The following ACAN variants were observed in gnomAD, a reference collection of about 807,000 sequenced individuals.
ACAN encodes aggrecan, also known as aggrecan core protein.
In ACAN, 47 loss-of-function variants were observed where a neutral mutation model predicts 169.1. The ratio of observed to expected loss-of-function variants is 0.28; its 90% CI spans 0.22 to 0.35. The LOEUF (loss-of-function observed/expected upper bound fraction) is 0.35, where lower values mean the gene tolerates loss of function less well. Among genes scored for constraint, ACAN ranks in the 10% least tolerant of loss-of-function variants. The probability of loss-of-function intolerance (pLI) is 1.00; values close to 1 mark genes in which losing one functional copy is unlikely to be tolerated. For synonymous variants in ACAN, 1,115 were observed against 1,112.2 expected (o/e 1.00, Z -0.05); for missense variants, 2,716 against 2,759.9 (o/e 0.98, Z 0.36).
At chr15:88,840,477 G>A (rs1030564444) in intron 4 of ACAN, among the ~76,000 whole-genome samples, 2 of 152,088 alleles carry the variant, frequency 1.3e-5, no homozygotes, top group East Asian at 1.9e-4. Flanking sequence ...ATTTCCTCAC[G>A]TTTAAACTTT....
chr15:88,871,920 C>A lies in ACAN; in HGVS notation c.7220-83C>A. 8.1e-7 allele frequency: 1 copy of A among 1,240,002 alleles called. No individual in the cohort carries two copies. The highest frequency in any genetic ancestry group is 1.2e-6 in the Non-Finnish European group (1 of 839,062). The allele number at this position is 1,240,002 out of a possible 1,614,324, so 76.8% of individuals were successfully genotyped here. A position where few individuals can be genotyped will look rare whatever the true frequency, so the allele number is the denominator to read the frequency against. On this transcript the variant is annotated intron_variant, in intron 15 of 18. Coordinates refer to ENST00000560601, the MANE Select transcript of ACAN (RefSeq NM_001369268.1). The surrounding 1 kb of genome is among the most constrained non-coding windows in gnomAD (Gnocchi z 7.8). Reference sequence around the variant, plus strand: ...CCACCCACCTCCTTTCCTCCTCCATCCCCTCTGCCTCCGTGAGCTCAAGTT... The same window carrying A: ...CCACCCACCTCCTTTCCTCCTCCATACCCTCTGCCTCCGTGAGCTCAAGTT...
chr15:88,841,121 G>C (rs147608413), intron 4 of ACAN, among the ~76,000 whole-genome samples: 4,832 of 152,350 alleles, frequency 0.032, 102 homozygotes, highest in Middle Eastern at 0.061. Flanking sequence ...CTCCAGCCTA[G>C]GTGACAGAGC....
chr15:88,848,450 C>A (rs1037627482), intron 9 of ACAN, among the ~76,000 whole-genome samples: 1 of 151,582 alleles, frequency 6.6e-6, no homozygotes, highest in African/African-American at 2.4e-5. Context: ...GGCACAGTGG[C>A]TCACACCTGT....
Position 88,851,832 on chromosome 15 carries a change from G to A in ACAN, c.2065G>A (p.Gly689Ser), listed in dbSNP as rs1340826290. 4 of 1,608,838 alleles carry A rather than the reference G, an allele frequency of 2.5e-6. No individual in the cohort carries two copies. Among genetic ancestry groups the A allele is most frequent in the Middle Eastern group, 3.3e-4 (2 of 6,084 alleles). Residue 689 changes from glycine (G) to serine (S), a missense_variant, in exon 11 of 19, where the codon GGC becomes AGC. Physicochemically the swap from Gly to Ser is moderately conservative, Grantham distance 56 (BLOSUM62 0). Around this residue, in one of 3 missense-constraint regions of ACAN, gnomAD observed 1,283 missense variants for 1,281.5 expected, o/e 1.00. Transcript: ENST00000560601. This position sits in a 1 kb window ranked among gnomAD's most constrained non-coding sequence, Gnocchi z 4.3. ...AVPSPGEEEGGTPTSPSGVEE... is the reference protein window; with the variant it reads ...AVPSPGEEEGSTPTSPSGVEE... ...TCCTTCTCCAGGAGAAGAAGAGGGT[G>A]GCACACCCACATCACCCTCTGGTGT... is the stretch of plus-strand genomic sequence containing the variant.
chr15:88,828,962 G>A (rs550511532), intron 1 of ACAN, among the ~76,000 whole-genome samples: 1 of 152,268 alleles, frequency 6.6e-6, no homozygotes, highest in East Asian at 1.9e-4. Context: ...CCTTCACTGG[G>A]CCCCTCTGTC....
rs57985365 is a variant in ACAN at position 88,860,072 on chromosome 15, C to CTTTTTTTTTTT, written c.6833-243_6833-233dup. ...GCACTGGTAGCGGTAGCTGATTTTCCTTTTTTTTTTTTTTTTTTTTTGCTC... is the reference window on the plus strand; with the variant it reads ...GCACTGGTAGCGGTAGCTGATTTTCCTTTTTTTTTTTTTTTTTTTTTTTTTTTTTTTTGCTC... On this transcript the variant is annotated intron_variant, in intron 12 of 18. Coordinates refer to ENST00000560601, the MANE Select transcript of ACAN (RefSeq NM_001369268.1). 1.2e-3 allele frequency among the ~76,000 whole-genome samples: 122 copies of CTTTTTTTTTTT among 102,888 alleles called. 10 individuals are homozygous for CTTTTTTTTTTT. Among genetic ancestry groups the CTTTTTTTTTTT allele is most frequent in the African/African-American group, 5.4e-3 (114 of 21,160 alleles). 67.5% of individuals were successfully genotyped at this position (102,888 alleles called of 152,430 possible). A position where few individuals can be genotyped will look rare whatever the true frequency, so the allele number is the denominator to read the frequency against.
In ACAN at chr15:88,841,863, G is replaced by A; in HGVS notation, c.753G>A (p.Met251Ile). ...ATGTGTACTGCTTCGCCGAGGAGAT[G>A]GAGGGTGAGCTGCCCTGCCCACCAG... ...TYDVYCFAEEMEGEVFYATSP... is the reference protein window; with the variant it reads ...TYDVYCFAEEIEGEVFYATSP... Residue 251 changes from methionine to isoleucine, a missense_variant, in exon 5 of 19, where the codon ATG (methionine) becomes ATA (isoleucine). Transcript: ENST00000560601. 6.2e-7 allele frequency: 1 copy of A among 1,612,388 alleles called. No individual in the cohort carries two copies. Among genetic ancestry groups the A allele is most frequent in the Non-Finnish European group, 8.5e-7 (1 of 1,179,324 alleles).
rs370618858 is a variant in ACAN at position 88,860,374 on chromosome 15, A to C, written c.6881A>C (p.Lys2294Thr). Residue 2294 changes from lysine to threonine, a missense_variant, in exon 13 of 19, where the codon AAG (lysine) becomes ACG (threonine). By Grantham distance (78) the Lys-to-Thr change is moderately conservative (BLOSUM62 -1). This residue lies in a region of ACAN where 1,389 missense variants were observed against 1,363.7 expected (regional missense o/e 1.02). Transcript: ENST00000560601. ...GAGCCCTGTGGAGCTGGGACCTGCA[A>C]GGAGACAGAGGGACACGTCATATGC... ...AEEPCGAGTC[K>T]ETEGHVICLC... The C allele has an allele frequency of 4.4e-5, 71 of 1,613,472 alleles. No homozygotes were observed. The highest frequency in any genetic ancestry group is 5.8e-5 in the Non-Finnish European group (68 of 1,179,826).
chr15:88,841,052 G>A (rs1172375596), intron 4 of ACAN, among the ~76,000 whole-genome samples: 1 of 152,226 alleles, frequency 6.6e-6, no homozygotes, highest in African/African-American at 2.4e-5. Flanking sequence ...GGCTGAGGCA[G>A]GAGAATGGCG....
rs1320765611 is a variant in ACAN, at chr15:88,840,052, C to T, written c.495C>T (p.Thr165=). 6.2e-7 allele frequency: 1 copy of T among 1,603,086 alleles called. No homozygotes were observed. The highest frequency in any genetic ancestry group is 1.7e-5 in the Admixed American group (1 of 58,738). Residue 165 remains threonine, a synonymous_variant, in exon 4 of 19, where the codon ACC becomes ACT. Coordinates refer to ENST00000560601, the MANE Select transcript of ACAN (RefSeq NM_001369268.1). The stretch of plus-strand genomic sequence containing the variant: ...ACAGAGCCATCTCTACACGCTACAC[C>T]CTCGACTTTGACAGGGCGCAGCGGG... ...FHYRAISTRY[T]LDFDRAQRAC... is the part of the protein sequence containing the mutation.
At position 88,851,748 on chromosome 15, in the gene ACAN, C is replaced by A; in HGVS notation, c.2027-46C>A. 1.3e-6 allele frequency: 2 copies of A among 1,514,096 alleles called. No individual in the cohort carries two copies. The highest frequency in any genetic ancestry group is 1.3e-5 in the South Asian group (1 of 75,876). 93.8% of individuals were successfully genotyped at this position (1,514,096 alleles called of 1,614,324 possible). The stretch of plus-strand genomic sequence containing the variant: ...CAAGAAGGGCCAGCCAAGGACGGGT[C>A]ACTGGTAAGAGAGGGACTCACTCTG... On this transcript the variant is annotated intron_variant, in intron 10 of 18. Coordinates refer to ENST00000560601, the MANE Select transcript of ACAN (RefSeq NM_001369268.1). This position sits in a 1 kb window ranked among gnomAD's most constrained non-coding sequence, Gnocchi z 4.3.
rs748195726 is a variant in ACAN, at chr15:88,857,089, G to A, written c.4504G>A (p.Gly1502Arg). 3 of 1,606,874 alleles carry A rather than the reference G, an allele frequency of 1.9e-6. No homozygotes were observed. Among genetic ancestry groups the A allele is most frequent in the South Asian group, 2.2e-5 (2 of 90,252 alleles). Residue 1502 changes from glycine to arginine, a missense_variant, in exon 12 of 19, where the codon GGA (glycine) becomes AGA (arginine). Physicochemically the swap from Gly to Arg is moderately radical, Grantham distance 125. Transcript: ENST00000560601. ...SGEVVETSAS[G>R]IEDVSELPSG... Reference sequence around the variant, plus strand: ...AGAGGTTGTAGAGACTTCTGCCTCTGGAATAGAGGATGTCAGTGAACTTCC... The same window carrying A: ...AGAGGTTGTAGAGACTTCTGCCTCTAGAATAGAGGATGTCAGTGAACTTCC...
rs367724066 is a variant in ACAN, at chr15:88,847,388, C to G, written c.1575C>G (p.Asp525Glu). 3.2e-5 allele frequency: 50 copies of G among 1,584,272 alleles called. No homozygotes were observed. The Admixed American group carries it at 8.7e-4, about 28-fold the overall frequency. ...AAYEAGYEQC[D>E]AGWLRDQTVR... ...ACGAAGCAGGCTATGAGCAGTGTGA[C>G]GCCGGCTGGCTGCGGGACCAGACCG... is the stretch of plus-strand genomic sequence containing the variant. Residue 525 changes from aspartate to glutamate, a missense_variant, in exon 8 of 19, where the codon GAC becomes GAG. Asp to Glu is a conservative substitution (Grantham distance 45, BLOSUM62 2). Transcript: ENST00000560601.
At position 88,849,940 on chromosome 15, in the gene ACAN, A is replaced by G. The variant is rs1896895796; in HGVS notation, c.2026+209A>G. 1.4e-6 allele frequency: 1 copy of G among 713,944 alleles called. No individual in the cohort carries two copies. 44.2% of individuals were successfully genotyped at this position (713,944 alleles called of 1,614,324 possible). A position where few individuals can be genotyped will look rare whatever the true frequency, so the allele number is the denominator to read the frequency against. The stretch of plus-strand genomic sequence containing the variant: ...TCTAAAGTTCCCCAGAGACAAGTAG[A>G]GATAAATAAGAACTTGAGCTGGTAT... On this transcript the variant is annotated intron_variant, in intron 10 of 18. Transcript: ENST00000560601. This position sits in a 1 kb window ranked among gnomAD's most constrained non-coding sequence, Gnocchi z 5.1.
At position 88,845,890 on chromosome 15, in the gene ACAN, G is replaced by A. The variant is rs764535614; in HGVS notation, c.1429+8G>A. On this transcript the variant is annotated splice_region_variant and intron_variant, in intron 7 of 18. Coordinates refer to ENST00000560601, the MANE Select transcript of ACAN (RefSeq NM_001369268.1). ...AGCCGCATTTGCCAGGGGGTAAGTAGCTGCCCGTGGGTGCATCCAGGGGCA... is the reference window on the plus strand; with the variant it reads ...AGCCGCATTTGCCAGGGGGTAAGTAACTGCCCGTGGGTGCATCCAGGGGCA... The A allele has an allele frequency of 6.9e-7, 1 of 1,448,520 alleles. No homozygotes were observed. Among genetic ancestry groups the A allele is most frequent in the Non-Finnish European group, 9.1e-7 (1 of 1,097,208 alleles). 89.7% of individuals were successfully genotyped at this position (1,448,520 alleles called of 1,614,324 possible).
chr15:88,824,063 G>A (rs1464874108), intron 1 of ACAN, among the ~76,000 whole-genome samples: 1 of 152,010 alleles, frequency 6.6e-6, no homozygotes, highest in Admixed American at 6.5e-5. Flanking sequence ...AGTGGCTCAC[G>A]CCTGTAATCC....
Position 88,851,636 on chromosome 15 carries a change from G to A in ACAN, c.2027-158G>A, listed in dbSNP as rs1458557808. The A allele has an allele frequency of 3.6e-5, 28 of 779,946 alleles. No individual in the cohort carries two copies. Among genetic ancestry groups the A allele is most frequent in the Admixed American group, 8.9e-5 (3 of 33,802 alleles). 48.3% of individuals were successfully genotyped at this position (779,946 alleles called of 1,614,324 possible). On this transcript the variant is annotated intron_variant, in intron 10 of 18. Coordinates refer to ENST00000560601, the MANE Select transcript of ACAN (RefSeq NM_001369268.1). The surrounding 1 kb of genome is among the most constrained non-coding windows in gnomAD (Gnocchi z 4.3). The stretch of plus-strand genomic sequence containing the variant: ...ATATGGATATTATATCATTGGTGCC[G>A]ATGGCTCTTACTAAGCGAGAAGGCA...
chr15:88,860,439 G>C lies in ACAN; in HGVS notation c.6946G>C (p.Asp2316His), dbSNP rs1292831388. The stretch of plus-strand genomic sequence containing the variant: ...CTACACTGGCGAGCACTGTAACATA[G>C]GTAAGGCCCTCATTGGCCGTGGAGA... ...PGYTGEHCNI[D>H]IDECLSSPCL... The change falls in exon 13 of 19, where the codon GAC (aspartate) becomes CAC (histidine). Residue 2316 changes from aspartate (D) to histidine (H), a missense_variant and splice_region_variant. This residue lies in a region of ACAN where 1,389 missense variants were observed against 1,363.7 expected (regional missense o/e 1.02). Coordinates refer to ENST00000560601, the MANE Select transcript of ACAN (RefSeq NM_001369268.1). The C allele has an allele frequency of 6.8e-6, 11 of 1,612,222 alleles. No individual in the cohort carries two copies. The Admixed American group carries it at 1.5e-4, about 22-fold the overall frequency.
At chr15:88,864,043 G>A (rs1897244575) in intron 13 of ACAN, among the ~76,000 whole-genome samples, 1 of 152,114 alleles carries the variant, frequency 6.6e-6, no homozygotes, top group Non-Finnish European at 1.5e-5. Flanking sequence ...TTGGTATGGT[G>A]GCACATGCCT....
Sources: gnomAD v4.1 joint callset for allele counts (sites outside exome capture counted in the v4.1 genomes callset) on GRCh38, gnomAD v4.1.1 for gene constraint, gnomAD v4.1.1 regional missense constraint, Gnocchi (gnomAD v3.1) non-coding constraint, MANE v1.5 for transcripts, NCBI Gene and HGNC (gene_info 2026-07-23, HGNC 2026-07-21) for gene names.